Variants in ZNF44 observed in about 807,000 individuals in gnomAD.
The protein encoded by ZNF44 is zinc finger protein 44.
In ZNF44, 9 loss-of-function variants were observed where a neutral mutation model predicts 11.7. That is an observed-to-expected ratio of 0.77 (90% CI 0.46 to 1.35). ZNF44 has a LOEUF of 1.35. Among genes scored for constraint, ZNF44 ranks in the 40% most tolerant of loss-of-function variants. The pLI, the probability that ZNF44 is intolerant of heterozygous loss-of-function variation, is 0.00. For synonymous variants in ZNF44, 224 were observed against 242.7 expected (o/e 0.92, Z 0.72); for missense variants, 696 against 743.1 (o/e 0.94, Z 0.74).
At chr19:12,250,015 T>C (rs894107933) in exon 7 of ZNF44, 50 of 1,285,160 alleles carry the variant, frequency 3.9e-5, no homozygotes, top group Non-Finnish European at 4.6e-5. Flanking sequence ...TGCTCTTCAA[T>C]GTTCCATTCT....
intron 1 of ZNF44, among the ~76,000 whole-genome samples, chr19:12,289,446 C>A (rs1290905428): frequency 2.0e-5 from 3 of 152,100 alleles, no homozygotes; most frequent in Non-Finnish European, 4.4e-5. Context: ...CATGAACAGG[C>A]TTGAGTCAGG....
chr19:12,232,242 C>T (rs574873832), intron 2 of ZNF44, among the ~76,000 whole-genome samples: 4 of 152,236 alleles, frequency 2.6e-5, no homozygotes, highest in Non-Finnish European at 4.4e-5. Context: ...GTAGCTAGAA[C>T]GTACAATCGG....
intron 1 of ZNF44, among the ~76,000 whole-genome samples, chr19:12,291,993 GAAAAAAAAA>G (rs770161207): frequency 1.6e-4 from 15 of 94,564 alleles, no homozygotes; most frequent in African/African-American, 6.0e-4. Context: ...CTCCATCTCA[GAAAAAAAAA>G]AAAAAGAAAA....
At chr19:12,258,331 CAAAAAAAAAAAAAAAA>C (rs145891891) in intron 5 of ZNF44, among the ~76,000 whole-genome samples, 1 of 41,008 alleles carries the variant, frequency 2.4e-5, no homozygotes, top group African/African-American at 9.2e-5. Flanking sequence ...GATCTTGTCT[CAAAAAAAAAAAAAAAA>C]AAAAAAAAAA....
intron 1 of ZNF44, among the ~76,000 whole-genome samples, chr19:12,286,313 G>A (rs752796761): frequency 4.6e-5 from 7 of 152,020 alleles, no homozygotes; most frequent in Non-Finnish European, 8.8e-5. Flanking sequence ...TCTCATGCAT[G>A]AGAATCATCT....
upstream of ZNF44, among the ~76,000 whole-genome samples, chr19:12,240,562 G>A (rs969367262): frequency 6.6e-6 from 1 of 151,778 alleles, no homozygotes; most frequent in African/African-American, 2.4e-5. Flanking sequence ...ATTTCAAACT[G>A]GCTATAAAAC....
At chr19:12,284,719 TG>T in intron 1 of ZNF44, 1 of 738,758 alleles carries the variant, frequency 1.4e-6, no homozygotes, top group Non-Finnish European at 2.4e-6. Flanking sequence ...CATGTCCGTC[TG>T]GGAGTTAAGT....
chr19:12,292,836 T>A (rs546975530), intron 1 of ZNF44, among the ~76,000 whole-genome samples: 1 of 149,670 alleles, frequency 6.7e-6, no homozygotes, highest in East Asian at 2.0e-4. Context: ...GAAAAAAATG[T>A]CAATGTCCCA....
intron 1 of ZNF44, among the ~76,000 whole-genome samples, chr19:12,291,974 A>G (rs529591952): frequency 2.5e-4 from 38 of 151,510 alleles, no homozygotes; most frequent in Admixed American, 1.3e-3. Context: ...CCTGGGCAAT[A>G]TAGTGAAACT....
At chr19:12,243,046 A>T (rs991987113), downstream of ZNF44, among the ~76,000 whole-genome samples, 1 of 152,228 alleles carries the variant, frequency 6.6e-6, no homozygotes, top group Non-Finnish European at 1.5e-5. Context: ...AAGAACACAC[A>T]GAACTGCAAG....
In ZNF44 at chr19:12,284,618, C is replaced by T. The variant is rs1481107603; in HGVS notation, c.4-8536G>A. The T allele has an allele frequency of 5.4e-6, 4 of 734,764 alleles. No individual in the cohort carries two copies. In the Admixed American group the frequency reaches 5.9e-5, roughly 11 times the overall value. 45.5% of individuals were successfully genotyped at this position (734,764 alleles called of 1,614,324 possible). A position where few individuals can be genotyped will look rare whatever the true frequency, so the allele number is the denominator to read the frequency against. ...TGTTCCTGGGGGCCTCTCTCAAGGA[C>T]GAGGTTTTGATTACACCAGTGCAGA... On this transcript the variant is annotated intron_variant, in intron 1 of 3. Coordinates refer to ENST00000355684, the MANE Select transcript of ZNF44 (RefSeq NM_016264.4).
chr19:12,265,802 T>C (rs1370890846), intron 5 of ZNF44, among the ~76,000 whole-genome samples: 1 of 152,208 alleles, frequency 6.6e-6, no homozygotes, highest in Non-Finnish European at 1.5e-5. Flanking sequence ...GGAAAATAGA[T>C]TATTAAAACA....
At chr19:12,233,936 C>T (rs1337885798) in intron 2 of ZNF44, among the ~76,000 whole-genome samples, 1 of 151,974 alleles carries the variant, frequency 6.6e-6, no homozygotes, top group Non-Finnish European at 1.5e-5. Context: ...GTGGCGGGCA[C>T]CTGTAATCCC....
intron 5 of ZNF44, among the ~76,000 whole-genome samples, chr19:12,257,956 G>A (rs1379786972): frequency 6.6e-6 from 1 of 151,758 alleles, no homozygotes; most frequent in Non-Finnish European, 1.5e-5. Flanking sequence ...GGGCGATAGA[G>A]CGAAACTCTA....
downstream of ZNF44, among the ~76,000 whole-genome samples, chr19:12,246,084 G>T (rs931985807): frequency 2.6e-5 from 4 of 152,102 alleles, no homozygotes; most frequent in Non-Finnish European, 5.9e-5. Context: ...CACGCAGATG[G>T]GTCCAAAACC....
intron 3 of ZNF44, among the ~76,000 whole-genome samples, chr19:12,227,787 T>C (rs954246570): frequency 3.3e-5 from 5 of 152,230 alleles, no homozygotes; most frequent in African/African-American, 1.2e-4. Flanking sequence ...AACATACTTA[T>C]ACAAATATAG....
At chr19:12,242,420 G>C (rs1313919087), upstream of ZNF44, among the ~76,000 whole-genome samples, 1 of 151,338 alleles carries the variant, frequency 6.6e-6, no homozygotes, top group Non-Finnish European at 1.5e-5. Context: ...TGAGGCAGGA[G>C]AATAGCGTGA....
downstream of ZNF44, among the ~76,000 whole-genome samples, chr19:12,270,018 C>T (rs919973922): frequency 6.6e-6 from 1 of 152,144 alleles, no homozygotes; most frequent in Non-Finnish European, 1.5e-5. Context: ...CAAATTGACT[C>T]CTTCACAGTT....
upstream of ZNF44, among the ~76,000 whole-genome samples, chr19:12,242,394 T>C (rs928317615): frequency 5.3e-5 from 8 of 151,018 alleles, 1 homozygote; most frequent in African/African-American, 1.9e-4. Context: ...CCTGTAGTCC[T>C]AGCTACTCGG....
Sources: gnomAD v4.1 joint callset for allele counts (sites outside exome capture counted in the v4.1 genomes callset) on GRCh38, gnomAD v4.1.1 for gene constraint, MANE v1.5 for transcripts, NCBI Gene and HGNC (gene_info 2026-07-23, HGNC 2026-07-21) for gene names.